IRAG1: variants seen among roughly 807,000 people sequenced by gnomAD.
The protein encoded by IRAG1 is inositol 1,4,5-triphosphate receptor associated 1, also known as IP3R-associated cGMP kinase substrate.
In IRAG1, 62 loss-of-function variants were observed where a neutral mutation model predicts 106.2. The ratio of observed to expected loss-of-function variants is 0.58; its 90% confidence interval spans 0.48 to 0.72. The LOEUF is 0.72. IRAG1 is among the 30% of genes least tolerant of loss of function. The pLI, the probability that IRAG1 is intolerant of heterozygous loss-of-function variation, is 0.00. For missense variants in IRAG1, 1,064 were observed against 1,140.7 expected (o/e 0.93, Z 0.97); for synonymous variants, 462 against 443.9 (o/e 1.04, Z -0.51).
intron 1 of IRAG1, among the ~76,000 whole-genome samples, chr11:10,675,730 G>A (rs1157361671): frequency 6.6e-5 from 10 of 152,098 alleles, no homozygotes; most frequent in Admixed American, 2.6e-4. Flanking sequence ...CACCATTTAC[G>A]CCCTCTTCCC....
In IRAG1 at chr11:10,626,128, A is replaced by C. The variant is rs763587707; in HGVS notation, c.1206T>G (p.Pro402=). ...GLSWDSGPEE[P]GPRLQKVLAK... ...CAAGCACTTTCTGCAGCCGGGGGCC[A>C]GGTTCTTCAGGGCCACTGTCCCAGG... Residue 402 remains proline, a synonymous_variant, in exon 9 of 21, where the codon CCT becomes CCG. Transcript: ENST00000423302. 6.5e-7 allele frequency: 1 copy of C among 1,539,606 alleles called. No individual in the cohort carries two copies. Among genetic ancestry groups the C allele is most frequent in the Non-Finnish European group, 8.8e-7 (1 of 1,142,534 alleles).
intron 1 of IRAG1, chr11:10,652,400 A>C: frequency 7.5e-7 from 1 of 1,331,726 alleles, no homozygotes; most frequent in Non-Finnish European, 9.9e-7. Flanking sequence ...TTTGCATCTA[A>C]TTTGGTCTTT....
rs1388741774 is a variant in IRAG1, at chr11:10,670,184, T to C, written c.68-18002A>G. 2.0e-5 allele frequency among the ~76,000 whole-genome samples: 3 copies of C among 152,300 alleles called. No individual in the cohort carries two copies. The East Asian group carries it at 5.8e-4, about 29-fold the overall frequency. ...CAACAGAGAACAAAATTGAGTGAGATTTTGCATTTTAGAACTTTATAAAGC... is the reference window on the plus strand; with the variant it reads ...CAACAGAGAACAAAATTGAGTGAGACTTTGCATTTTAGAACTTTATAAAGC... On this transcript the variant is annotated intron_variant, in intron 1 of 20. Coordinates refer to ENST00000423302, the MANE Select transcript of IRAG1 (RefSeq NM_130385.4).
chr11:10,675,357 C>G lies in IRAG1; in HGVS notation c.67+18179G>C, dbSNP rs144508094. 4.7e-4 allele frequency among the ~76,000 whole-genome samples: 72 copies of G among 152,316 alleles called. No individual in the cohort carries two copies. In the East Asian group the frequency reaches 0.012, roughly 26 times the overall value. ...CCCGGTTCCCCTCTCCTGTGTGTCACGTGCACTGCCTCCCAAACAGGAAAT... is the reference window on the plus strand; with the variant it reads ...CCCGGTTCCCCTCTCCTGTGTGTCAGGTGCACTGCCTCCCAAACAGGAAAT... On this transcript the variant is annotated intron_variant, in intron 1 of 20. Transcript: ENST00000423302.
intron 1 of IRAG1, among the ~76,000 whole-genome samples, chr11:10,684,874 G>A (rs572285833): frequency 6.6e-6 from 1 of 152,282 alleles, no homozygotes; most frequent in Non-Finnish European, 1.5e-5. Flanking sequence ...TGCTGGGACA[G>A]ACTATGTGAA....
chr11:10,688,835 G>A lies in IRAG1; in HGVS notation c.67+4701C>T, dbSNP rs542331692. Among the ~76,000 whole-genome samples the A allele has an allele frequency of 2.2e-4, 34 of 152,228 alleles. No homozygotes were observed. In the South Asian group the frequency reaches 6.8e-3, roughly 31 times the overall value. The stretch of plus-strand genomic sequence containing the variant: ...AATATTCTTTCATTTGAGTAGCAAT[G>A]GGCCAGAAAATCAAGACTGAAACCC... On this transcript the variant is annotated intron_variant, in intron 1 of 20. Transcript: ENST00000423302.
intron 11 of IRAG1, among the ~76,000 whole-genome samples, chr11:10,607,217 C>T (rs961238056): frequency 2.6e-5 from 4 of 152,178 alleles, no homozygotes; most frequent in Non-Finnish European, 4.4e-5. Context: ...ATAACTCATA[C>T]ACATCTAAGT....
At chr11:10,623,972 T>A (rs573875989) in intron 9 of IRAG1, 116 bp from the exon 10 acceptor site, 5 of 913,642 alleles carry the variant, frequency 5.5e-6, no homozygotes, top group Non-Finnish European at 8.6e-6. Flanking sequence ...CGGGGCAGCC[T>A]GAGAGGTGGG....
In IRAG1 at chr11:10,594,133, T is replaced by C. The variant is rs368923760; in HGVS notation, c.2067+13A>G. 3.1e-6 allele frequency: 5 copies of C among 1,601,086 alleles called. No homozygotes were observed. The highest frequency in any genetic ancestry group is 4.3e-6 in the Non-Finnish European group (5 of 1,173,562). On this transcript the variant is annotated intron_variant, in intron 16 of 20. Transcript: ENST00000423302. ...TCCTTCCAGGAGCCCTGGTATTCCT[T>C]GAACATGCATACCTTTCCCAGCGTG...
chr11:10,602,444 G>A (rs1394616453), intron 14 of IRAG1, among the ~76,000 whole-genome samples: 3 of 152,160 alleles, frequency 2.0e-5, no homozygotes, highest in South Asian at 2.1e-4. Context: ...GTCACACAGC[G>A]AATGAAGGTT....
intron 1 of IRAG1, among the ~76,000 whole-genome samples, chr11:10,655,058 A>G (rs1348961390): frequency 6.6e-6 from 1 of 152,180 alleles, no homozygotes; most frequent in East Asian, 1.9e-4. Flanking sequence ...ATTTGGTAAC[A>G]GGGGTTGAGG....
rs372404546 is a variant in IRAG1 at position 10,654,629 on chromosome 11, C to T, written c.68-2447G>A. The stretch of plus-strand genomic sequence containing the variant: ...GAACATAGAGCCCAGTGGTAGGAGA[C>T]GCTGGAGAACAGTATAATGGGGTAA... On this transcript the variant is annotated intron_variant, in intron 1 of 20. Coordinates refer to ENST00000423302, the MANE Select transcript of IRAG1 (RefSeq NM_130385.4). Among the ~76,000 whole-genome samples the T allele has an allele frequency of 2.4e-4, 37 of 152,268 alleles. 1 individual carries two copies. The highest frequency in any genetic ancestry group is 2.3e-3 in the East Asian group (12 of 5,194).
chr11:10,673,677 T>C (rs570216768), intron 1 of IRAG1, among the ~76,000 whole-genome samples: 113 of 152,256 alleles, frequency 7.4e-4, no homozygotes, highest in African/African-American at 2.6e-3. Flanking sequence ...CAAAGCTGTT[T>C]AAAATTTTTT....
chr11:10,652,446 G>T, intron 1 of IRAG1: 1 of 834,594 alleles, frequency 1.2e-6, no homozygotes, highest in Non-Finnish European at 1.7e-6. Context: ...GGAGAAATGT[G>T]CTTCGAACTC....
At chr11:10,621,585 T>TA (rs1014414056) in intron 10 of IRAG1, among the ~76,000 whole-genome samples, 2 of 152,238 alleles carry the variant, frequency 1.3e-5, no homozygotes, top group Admixed American at 6.5e-5. Context: ...TTGTGCAGCT[T>TA]AAAAAAAGTT....
intron 2 of IRAG1, among the ~76,000 whole-genome samples, chr11:10,649,679 T>A (rs1341643171): frequency 6.6e-6 from 1 of 152,130 alleles, no homozygotes; most frequent in Non-Finnish European, 1.5e-5. Flanking sequence ...AGCTTCAAAA[T>A]GCATATAGGT....
At chr11:10,648,757 A>C (rs543027248) in intron 2 of IRAG1, among the ~76,000 whole-genome samples, 1 of 152,306 alleles carries the variant, frequency 6.6e-6, no homozygotes, top group Middle Eastern at 3.4e-3. Flanking sequence ...CTTCTGATTA[A>C]GGACCTGAAG....
chr11:10,658,058 G>A (rs944199917), intron 1 of IRAG1, among the ~76,000 whole-genome samples: 2 of 152,214 alleles, frequency 1.3e-5, no homozygotes, highest in African/African-American at 4.8e-5. Context: ...GCAGTGACTC[G>A]TCATTGTTCT....
At position 10,657,373 on chromosome 11, in the gene IRAG1, A is replaced by G. The variant is rs1012515375; in HGVS notation, c.68-5191T>C. On this transcript the variant is annotated intron_variant, in intron 1 of 20. Transcript: ENST00000423302. The surrounding 1 kb of genome is among the most constrained non-coding windows in gnomAD (Gnocchi z 4.1). Reference sequence around the variant, plus strand: ...GCCAAGCCTGTTCTCGGCAGGCAGCAGCAGCCTCTCATCATGGCGCCAAAG... The same window carrying G: ...GCCAAGCCTGTTCTCGGCAGGCAGCGGCAGCCTCTCATCATGGCGCCAAAG... 2.0e-5 allele frequency among the ~76,000 whole-genome samples: 3 copies of G among 152,196 alleles called. No homozygotes were observed. The highest frequency in any genetic ancestry group is 4.4e-5 in the Non-Finnish European group (3 of 68,022).
Sources: allele counts gnomAD v4.1 joint callset (sites outside exome capture counted in the v4.1 genomes callset), GRCh38; gene constraint gnomAD v4.1.1; non-coding constraint Gnocchi (gnomAD v3.1); transcripts MANE v1.5; gene names NCBI Gene and HGNC (gene_info 2026-07-23, HGNC 2026-07-21).